MECOM: variants seen among roughly 807,000 people sequenced by gnomAD.
The protein encoded by MECOM is MDS1 and EVI1 complex locus.
MECOM carries 13 observed loss-of-function variants against 116.3 expected under a neutral mutation model. The observed-to-expected ratio is 0.11, with a 90% CI of 0.07 to 0.18. The LOEUF (loss-of-function observed/expected upper bound fraction) is 0.18, where lower values mean the gene tolerates loss of function less well. Among genes scored for constraint, MECOM ranks in the 10% least tolerant of loss-of-function variants. MECOM has a pLI of 1.00. For synonymous variants in MECOM, 528 were observed against 535.2 expected, an observed-to-expected ratio of 0.99 and a Z score of 0.19; for missense variants, 1,299 against 1,509.0, an observed-to-expected ratio of 0.86 and a Z score of 2.31.
chr3:169,124,296 TC>T (rs1732070464), intron 5 of MECOM, among the ~76,000 whole-genome samples: 1 of 151,988 alleles, frequency 6.6e-6, no homozygotes, highest in African/African-American at 2.4e-5. Flanking sequence ...AGAATCCAAC[TC>T]AGTTTCTTCT....
At chr3:169,288,719 A>G (rs568491892) in intron 2 of MECOM, among the ~76,000 whole-genome samples, 1 of 152,162 alleles carries the variant, frequency 6.6e-6, no homozygotes, top group South Asian at 2.1e-4. Context: ...GTGCCCTTCC[A>G]GTAGTCTCAA....
chr3:169,229,758 A>G (rs890218203), intron 2 of MECOM, among the ~76,000 whole-genome samples: 2 of 152,154 alleles, frequency 1.3e-5, no homozygotes, highest in African/African-American at 4.8e-5. Flanking sequence ...AAGCCTCTAC[A>G]ACCAGGTGCT....
rs371093356 is a variant in MECOM, at chr3:169,186,402, G to A, written c.376-42570C>T. 5.0e-3 allele frequency among the ~76,000 whole-genome samples: 554 copies of A among 110,540 alleles called. 2 individuals are homozygous for A. Among genetic ancestry groups the A allele is most frequent in the South Asian group, 0.013 (32 of 2,510 alleles). 72.5% of individuals were successfully genotyped at this position (110,540 alleles called of 152,430 possible). A position where few individuals can be genotyped will look rare whatever the true frequency, so the allele number is the denominator to read the frequency against. On this transcript the variant is annotated intron_variant, in intron 2 of 16. Coordinates refer to ENST00000651503, the MANE Select transcript of MECOM (RefSeq NM_004991.4). Reference sequence around the variant, plus strand: ...GAAGGGAGGGAGGGAGGGAGGGAGGGAGGGAGGGAGGGAGGGAGGAAACTA... The same window carrying A: ...GAAGGGAGGGAGGGAGGGAGGGAGGAAGGGAGGGAGGGAGGGAGGAAACTA...
intron 1 of MECOM, among the ~76,000 whole-genome samples, chr3:169,625,925 C>G (rs915577364): frequency 1.3e-5 from 2 of 152,160 alleles, no homozygotes; most frequent in East Asian, 3.9e-4. Flanking sequence ...GATTTATTAC[C>G]AAAAAAATTA....
At chr3:169,562,693 C>T (rs1479489115) in intron 1 of MECOM, among the ~76,000 whole-genome samples, 1 of 152,128 alleles carries the variant, frequency 6.6e-6, no homozygotes, top group Non-Finnish European at 1.5e-5. Context: ...AGGAGCCATG[C>T]TTGGAAGGAC....
chr3:169,090,194 G>C lies in MECOM; in HGVS notation c.3207C>G (p.Thr1069=), dbSNP rs1387545286. 6.2e-7 allele frequency: 1 copy of C among 1,612,552 alleles called. No individual in the cohort carries two copies. Among genetic ancestry groups the C allele is most frequent in the South Asian group, 1.1e-5 (1 of 90,932 alleles). ...CATCCAGCAAGTCTGAATTTTGACT[G>C]GTCACCAAAGCCTTTTCATCTTTAA... The part of the protein sequence containing the change: ...SHFKDEKALV[T]SQNSDLLDDE... The change falls in exon 15 of 17, where the codon ACC becomes ACG. Residue 1069 remains threonine (T), a synonymous_variant. Coordinates refer to ENST00000651503, the MANE Select transcript of MECOM (RefSeq NM_004991.4).
At position 169,261,077 on chromosome 3, in the gene MECOM, A is replaced by T. The variant is rs993537390; in HGVS notation, c.376-117245T>A. The stretch of plus-strand genomic sequence containing the variant: ...TCCCCTTCATGATCGTGGTTGCATA[A>T]TAAAGTTGCCTCTCAAGTTGTTTCT... On this transcript the variant is annotated intron_variant, in intron 2 of 16. Transcript: ENST00000651503. Among the ~76,000 whole-genome samples the T allele has an allele frequency of 8.0e-4, 121 of 152,182 alleles. 2 individuals are homozygous for T. Among genetic ancestry groups the T allele is most frequent in the Non-Finnish European group, 2.5e-4 (17 of 68,032 alleles).
At chr3:169,603,866 T>C (rs1577072577) in intron 1 of MECOM, among the ~76,000 whole-genome samples, 1 of 152,216 alleles carries the variant, frequency 6.6e-6, no homozygotes, top group African/African-American at 2.4e-5. Flanking sequence ...TAACTATGCA[T>C]GACTGTGTTT....
intron 2 of MECOM, among the ~76,000 whole-genome samples, chr3:169,224,594 C>A (rs1752513672): frequency 6.6e-6 from 1 of 152,202 alleles, no homozygotes; most frequent in Admixed American, 6.5e-5. Context: ...GTAAACCTCA[C>A]AGTAAAAACT....
At position 169,241,990 on chromosome 3, in the gene MECOM, T is replaced by C. The variant is rs77821541; in HGVS notation, c.376-98158A>G. On this transcript the variant is annotated intron_variant, in intron 2 of 16. Transcript: ENST00000651503. ...AGTGCTGAGAGTAGATAAACAACAT[T>C]AGTGATCTGTGAATAGCATTCAGGA... 1.5e-3 allele frequency among the ~76,000 whole-genome samples: 233 copies of C among 152,300 alleles called. 6 individuals are homozygous for C. The East Asian group carries it at 0.044, about 28-fold the overall frequency.
chr3:169,378,920 AAGAGGTTT>A (rs1478553599), intron 2 of MECOM, among the ~76,000 whole-genome samples: 1 of 151,998 alleles, frequency 6.6e-6, no homozygotes, highest in Non-Finnish European at 1.5e-5. Context: ...GAGGAGGCCT[AAGAGGTTT>A]TTTTTTCTCC....
chr3:169,347,353 G>A (rs973070426), intron 2 of MECOM, among the ~76,000 whole-genome samples: 5 of 151,886 alleles, frequency 3.3e-5, no homozygotes, highest in Non-Finnish European at 2.9e-5. Context: ...TCAAATAAGT[G>A]AATATATAGG....
chr3:169,568,637 G>C (rs1763528813), intron 1 of MECOM, among the ~76,000 whole-genome samples: 1 of 152,198 alleles, frequency 6.6e-6, no homozygotes, highest in African/African-American at 2.4e-5. Context: ...CCGCAGCTCA[G>C]CAAAGCCACT....
intron 2 of MECOM, among the ~76,000 whole-genome samples, chr3:169,175,403 TCA>T (rs1395929937): frequency 6.6e-6 from 1 of 152,178 alleles, no homozygotes; most frequent in Non-Finnish European, 1.5e-5. Context: ...AAACTTTGTT[TCA>T]TGCACAAAAT....
At chr3:169,374,344 C>T (rs1339459343) in intron 2 of MECOM, among the ~76,000 whole-genome samples, 2 of 151,902 alleles carry the variant, frequency 1.3e-5, no homozygotes, top group African/African-American at 2.4e-5. Context: ...TTAAGCCACC[C>T]AGTTTATGGT....
At chr3:169,165,314 T>C (rs1743417473) in intron 2 of MECOM, among the ~76,000 whole-genome samples, 1 of 152,142 alleles carries the variant, frequency 6.6e-6, no homozygotes, top group Non-Finnish European at 1.5e-5. Flanking sequence ...AGTTGTAAAA[T>C]TGATTGATTT....
chr3:169,387,293 T>C (rs1421152052), intron 1 of MECOM, among the ~76,000 whole-genome samples: 1 of 152,250 alleles, frequency 6.6e-6, no homozygotes, highest in East Asian at 1.9e-4. Flanking sequence ...TTTGAGCGCC[T>C]GTGAACGGCA....
At chr3:169,599,405 T>G (rs1307673333) in intron 1 of MECOM, among the ~76,000 whole-genome samples, 1 of 151,414 alleles carries the variant, frequency 6.6e-6, no homozygotes, top group Non-Finnish European at 1.5e-5. Flanking sequence ...TCCCAGCTAC[T>G]CGGGAGGCTG....
chr3:169,645,049 C>T (rs566476271), intron 1 of MECOM, among the ~76,000 whole-genome samples: 8 of 152,244 alleles, frequency 5.3e-5, no homozygotes, highest in Non-Finnish European at 1.2e-4. Flanking sequence ...ACTAAACCTC[C>T]GGAACCATTA....
Sources: gnomAD v4.1 joint callset for allele counts (sites outside exome capture counted in the v4.1 genomes callset) on GRCh38, gnomAD v4.1.1 for gene constraint, MANE v1.5 for transcripts, NCBI Gene and HGNC (gene_info 2026-07-23, HGNC 2026-07-21) for gene names.